The following ALDOB variants were observed in gnomAD, a reference collection of about 807,000 sequenced individuals.
The protein encoded by ALDOB is fructose-bisphosphate aldolase B.
ALDOB carries 39 observed loss-of-function variants against 41.0 expected under a neutral mutation model. That is an observed-to-expected ratio of 0.95 (90% confidence interval 0.74 to 1.24). The LOEUF is 1.24. ALDOB is among the 50% of genes most tolerant of loss of function. The pLI, the probability that ALDOB is intolerant of heterozygous loss-of-function variation, is 0.00. For synonymous variants in ALDOB, 175 were observed against 168.8 expected, an observed-to-expected ratio of 1.04 and a Z score of -0.28; for missense variants, 530 against 457.3, an observed-to-expected ratio of 1.16 and a Z score of -1.45.
chr9:101,431,220 AGTAATGGACT>A (rs1831214905), intron 1 of ALDOB, among the ~76,000 whole-genome samples: 1 of 152,222 alleles, frequency 6.6e-6, no homozygotes, highest in African/African-American at 2.4e-5. Flanking sequence ...AGGGGACTGC[AGTAATGGACT>A]GTCTCTCTAT....
At chr9:101,429,658 A>T in intron 3 of ALDOB, 97 bp downstream of exon 3, 1 of 1,127,376 alleles carries the variant, frequency 8.9e-7, no homozygotes, top group Non-Finnish European at 1.4e-6. Flanking sequence ...GAGAAATTTG[A>T]TGAGGAGAAT....
chr9:101,423,558 G>T (rs1245082444), intron 8 of ALDOB, among the ~76,000 whole-genome samples: 2 of 152,118 alleles, frequency 1.3e-5, no homozygotes, highest in Non-Finnish European at 2.9e-5. Context: ...ATCATTCTCA[G>T]CAGATACCCT....
chr9:101,430,673 C>T (rs1831203646), intron 2 of ALDOB, 103 bp downstream of exon 2: 2 of 912,186 alleles, frequency 2.2e-6, no homozygotes, highest in Admixed American at 2.0e-5. Context: ...CTCCCGTGTA[C>T]ATAAACCTTT....
chr9:101,434,737 T>G (rs1429258068), intron 1 of ALDOB, among the ~76,000 whole-genome samples: 1 of 152,158 alleles, frequency 6.6e-6, no homozygotes, highest in Admixed American at 6.5e-5. Flanking sequence ...TGAATGGTGC[T>G]CTTTCCTCTA....
rs762406910 is a variant in ALDOB at position 101,421,518 on chromosome 9, G to A, written c.*291C>T. 3 of 449,830 alleles carry A rather than the reference G, an allele frequency of 6.7e-6. No individual in the cohort carries two copies. Among genetic ancestry groups the A allele is most frequent in the Non-Finnish European group, 1.2e-5 (3 of 243,050 alleles). 27.9% of individuals were successfully genotyped at this position (449,830 alleles called of 1,614,324 possible). On this transcript the variant is annotated 3_prime_UTR_variant, in exon 9 of 9. Coordinates refer to ENST00000647789, the MANE Select transcript of ALDOB (RefSeq NM_000035.4). ...AATCAGCAGTTGTTCTTTGGATGAG[G>A]AGCCGATATTGTTTTAAAGCCTATT...
intron 8 of ALDOB, among the ~76,000 whole-genome samples, chr9:101,424,214 T>C (rs1164592479): frequency 6.6e-6 from 1 of 152,156 alleles, no homozygotes; most frequent in Non-Finnish European, 1.5e-5. Context: ...GGTCAGGAGT[T>C]TGAGACTAGC....
chr9:101,427,265 T>A (rs964544387), intron 5 of ALDOB, among the ~76,000 whole-genome samples: 1 of 152,190 alleles, frequency 6.6e-6, no homozygotes, highest in African/African-American at 2.4e-5. Flanking sequence ...TTGATGGCAT[T>A]ATCCTTTGAA....
In ALDOB at chr9:101,427,572, A is replaced by G; in HGVS notation, c.450T>C (p.Ala150=). ...GACACTGGTCGGCAATCCTCAGCAC[A>G]GCACGCCACTTCCCAAAGTCAACAC... The part of the protein sequence containing the change: ...KDGVDFGKWR[A]VLRIADQCPS... Residue 150 remains alanine (A), a synonymous_variant, in exon 5 of 9, where the codon GCT becomes GCC. Coordinates refer to ENST00000647789, the MANE Select transcript of ALDOB (RefSeq NM_000035.4). 1 of 1,614,182 alleles carries G rather than the reference A, an allele frequency of 6.2e-7. No individual in the cohort carries two copies. Among genetic ancestry groups the G allele is most frequent in the South Asian group, 1.1e-5 (1 of 91,086 alleles).
chr9:101,430,039 C>G (rs1178381931), intron 2 of ALDOB, 73 bp from the exon 3 acceptor site: 1 of 1,275,580 alleles, frequency 7.8e-7, no homozygotes, highest in African/African-American at 1.5e-5. Context: ...CACATCATCT[C>G]AGAGACCCTC....
chr9:101,435,263 G>A (rs1038551872), intron 1 of ALDOB, among the ~76,000 whole-genome samples: 3 of 152,214 alleles, frequency 2.0e-5, no homozygotes, highest in Admixed American at 6.5e-5. Flanking sequence ...ACCAGTAGGT[G>A]TGGGAAGAGA....
Position 101,421,397 on chromosome 9 carries a change from T to G in ALDOB, c.*412A>C. 1 of 303,882 alleles carries G rather than the reference T, an allele frequency of 3.3e-6. No individual in the cohort carries two copies. The highest frequency in any genetic ancestry group is 6.4e-6 in the Non-Finnish European group (1 of 155,040). The allele number at this position is 303,882 out of a possible 1,614,324, so 18.8% of individuals were successfully genotyped here. A position where few individuals can be genotyped will look rare whatever the true frequency, so the allele number is the denominator to read the frequency against. ...CAGCTGAAGGTTTATAGAATATTTA[T>G]TTCTTTTTTGGTTGCAGCTATCTCC... On this transcript the variant is annotated 3_prime_UTR_variant, in exon 9 of 9. Coordinates refer to ENST00000647789, the MANE Select transcript of ALDOB (RefSeq NM_000035.4).
In ALDOB at chr9:101,430,828, G is replaced by A. The variant is rs961148978; in HGVS notation, c.60C>T (p.Ala20=). ...QEQKKELSEI[A]QSIVANGKGI... ...CCTTTCCATTGGCAACAATGCTCTG[G>A]GCAATTTCTGAGAGCTCCTTCTTCT... Residue 20 remains alanine (A), a synonymous_variant, in exon 2 of 9, where the codon GCC becomes GCT. Coordinates refer to ENST00000647789, the MANE Select transcript of ALDOB (RefSeq NM_000035.4). The A allele has an allele frequency of 6.2e-7, 1 of 1,614,162 alleles. No individual in the cohort carries two copies.
At position 101,420,780 on chromosome 9, in the gene ALDOB, A is replaced by G. The variant is rs974772426; in HGVS notation, c.*1029T>C. ...TCACTTTTATATTGTCCAAAGTTAT[A>G]ATATTTAAATTCTCTTTTATAACTC... On this transcript the variant is annotated 3_prime_UTR_variant, in exon 9 of 9. Coordinates refer to ENST00000647789, the MANE Select transcript of ALDOB (RefSeq NM_000035.4). The G allele has an allele frequency of 2.6e-5, 4 of 152,288 alleles. No individual in the cohort carries two copies. The highest frequency in any genetic ancestry group is 2.6e-4 in the Admixed American group (4 of 15,284). The allele number at this position is 152,288 out of a possible 1,614,324, so 9.4% of individuals were successfully genotyped here.
At chr9:101,433,294 A>G (rs887625521) in intron 1 of ALDOB, among the ~76,000 whole-genome samples, 1 of 152,218 alleles carries the variant, frequency 6.6e-6, no homozygotes, top group Non-Finnish European at 1.5e-5. Context: ...ATTTTCTTCA[A>G]TCTGGGTATG....
intron 6 of ALDOB, 60 bp downstream of exon 6, chr9:101,426,495 G>A: frequency 9.7e-7 from 1 of 1,029,018 alleles, no homozygotes; most frequent in South Asian, 1.3e-5. Flanking sequence ...TTAAGTAACA[G>A]CTGTTACCTA....
rs891959617 is a variant in ALDOB at position 101,430,847 on chromosome 9, T to C, written c.41A>G (p.Lys14Arg). The C allele has an allele frequency of 6.2e-7, 1 of 1,614,186 alleles. No individual in the cohort carries two copies. The highest frequency in any genetic ancestry group is 8.5e-7 in the Non-Finnish European group (1 of 1,180,024). ...RFPALTQEQK[K>R]ELSEIAQSIV... ...GCTCTGGGCAATTTCTGAGAGCTCC[T>C]TCTTCTGCTCCTGGGTGAGGGCTGG... The change falls in exon 2 of 9, where the codon AAG (lysine) becomes AGG (arginine). Residue 14 changes from lysine to arginine, a missense_variant. Lys to Arg is a conservative substitution (Grantham distance 26). Transcript: ENST00000647789.
At chr9:101,423,158 G>A (rs1831073954) in intron 8 of ALDOB, among the ~76,000 whole-genome samples, 1 of 152,124 alleles carries the variant, frequency 6.6e-6, no homozygotes, top group African/African-American at 2.4e-5. Context: ...CCTCTCTTAT[G>A]CCTGTGAGAT....
intron 8 of ALDOB, among the ~76,000 whole-genome samples, chr9:101,423,902 A>T (rs1429220688): frequency 6.6e-6 from 1 of 152,188 alleles, no homozygotes; most frequent in Non-Finnish European, 1.5e-5. Context: ...TATTTTAAAA[A>T]TTTTGGTTAT....
chr9:101,431,932 G>A (rs1831226261), intron 1 of ALDOB, among the ~76,000 whole-genome samples: 2 of 152,078 alleles, frequency 1.3e-5, no homozygotes, highest in Admixed American at 1.3e-4. Flanking sequence ...GACACCTCAG[G>A]TCTCATCTGA....
Sources: allele counts gnomAD v4.1 joint callset (sites outside exome capture counted in the v4.1 genomes callset), GRCh38; gene constraint gnomAD v4.1.1; transcripts MANE v1.5; gene names NCBI Gene and HGNC (gene_info 2026-07-23, HGNC 2026-07-21).